PTPN13: variants seen among roughly 807,000 people sequenced by gnomAD.
PTPN13 encodes tyrosine-protein phosphatase non-receptor type 13.
Under a neutral mutation model 284.0 loss-of-function variants are expected in PTPN13, and 191 were observed. The ratio of observed to expected loss-of-function variants is 0.67; its 90% CI spans 0.60 to 0.76. The LOEUF (loss-of-function observed/expected upper bound fraction) is 0.76, where lower values mean the gene tolerates loss of function less well. PTPN13 is among the 30% of genes least tolerant of loss of function. The pLI is 0.00. For missense variants in PTPN13, 2,797 were observed against 2,939.9 expected, an observed-to-expected ratio of 0.95 and a Z score of 1.12; for synonymous variants, 986 against 1,022.3, an observed-to-expected ratio of 0.96 and a Z score of 0.68.
At chr4:86,715,935 T>C (rs1275236569) in intron 7 of PTPN13, among the ~76,000 whole-genome samples, 1 of 152,224 alleles carries the variant, frequency 6.6e-6, no homozygotes, top group Non-Finnish European at 1.5e-5. Context: ...TCGGCCCTCT[T>C]GTACAGTGCA....
chr4:86,766,577 T>A, intron 27 of PTPN13, 60 bp downstream of exon 27: 1 of 1,210,874 alleles, frequency 8.3e-7, no homozygotes, highest in Non-Finnish European at 1.2e-6. Flanking sequence ...AATGTGTGAA[T>A]AACATCAGTT....
At chr4:86,770,067 C>T (rs1327433055) in intron 29 of PTPN13, 34 bp from the exon 30 acceptor site, 2 of 1,611,012 alleles carry the variant, frequency 1.2e-6, no homozygotes, top group African/African-American at 2.7e-5. Flanking sequence ...GCTGGTTTAA[C>T]TGTACCTTCA....
chr4:86,693,805 G>A (rs1208903091), intron 6 of PTPN13, 131 bp downstream of exon 6: 2 of 520,402 alleles, frequency 3.8e-6, no homozygotes, highest in Admixed American at 3.6e-5. Context: ...ACAAACTGGA[G>A]GTAGGGAATG....
chr4:86,809,479 G>A (rs76149294), intron 45 of PTPN13, among the ~76,000 whole-genome samples: 20,148 of 152,120 alleles, frequency 0.13, 1,709 homozygotes, highest in East Asian at 0.27. Context: ...GAGTGGATCA[G>A]TTGAGGTCAG....
chr4:86,706,805 G>A (rs1731815944), intron 7 of PTPN13, among the ~76,000 whole-genome samples: 1 of 152,142 alleles, frequency 6.6e-6, no homozygotes, highest in African/African-American at 2.4e-5. Flanking sequence ...GGAAGGGGCA[G>A]GAAGAAACAT....
intron 2 of PTPN13, among the ~76,000 whole-genome samples, chr4:86,654,986 C>G (rs143270811): frequency 0.011 from 1,733 of 152,292 alleles, 10 homozygotes; most frequent in Non-Finnish European, 0.013. Flanking sequence ...ATCCCTTCAA[C>G]ATTATGTAAT....
At chr4:86,676,668 A>C (rs1227668073) in intron 3 of PTPN13, among the ~76,000 whole-genome samples, 1 of 152,234 alleles carries the variant, frequency 6.6e-6, no homozygotes, top group African/African-American at 2.4e-5. Flanking sequence ...CATACAATGA[A>C]TATCATACAG....
At chr4:86,810,162 A>G (rs1344359845) in intron 46 of PTPN13, among the ~76,000 whole-genome samples, 178 bp downstream of exon 46, 1 of 152,210 alleles carries the variant, frequency 6.6e-6, no homozygotes. Flanking sequence ...ATTCAAAACT[A>G]CATAGACCGT....
chr4:86,700,912 G>C (rs1451903210), intron 6 of PTPN13, among the ~76,000 whole-genome samples: 1 of 152,076 alleles, frequency 6.6e-6, no homozygotes, highest in Admixed American at 6.5e-5. Flanking sequence ...ATCATTTCTT[G>C]GATAGTGAAT....
intron 7 of PTPN13, among the ~76,000 whole-genome samples, chr4:86,707,680 A>G (rs1731920777): frequency 6.6e-6 from 1 of 152,112 alleles, no homozygotes; most frequent in South Asian, 2.1e-4. Context: ...TAAAACTAGT[A>G]TTTCTTTACT....
chr4:86,683,547 A>T (rs1368637694), intron 3 of PTPN13, among the ~76,000 whole-genome samples: 1 of 152,186 alleles, frequency 6.6e-6, no homozygotes, highest in Non-Finnish European at 1.5e-5. Flanking sequence ...TGCTTTACTC[A>T]GTCTACTGAT....
intron 40 of PTPN13, among the ~76,000 whole-genome samples, chr4:86,793,677 A>C (rs1578689324): frequency 6.6e-6 from 1 of 152,336 alleles, no homozygotes; most frequent in East Asian, 1.9e-4. Flanking sequence ...GTGCAATCAA[A>C]TTAGAACTCA....
intron 3 of PTPN13, among the ~76,000 whole-genome samples, chr4:86,683,714 T>G (rs1157966083): frequency 6.6e-6 from 1 of 152,192 alleles, no homozygotes; most frequent in Non-Finnish European, 1.5e-5. Context: ...TTTTATAACC[T>G]AGTTTTAAGA....
At chr4:86,659,472 T>A (rs1726226229) in intron 2 of PTPN13, among the ~76,000 whole-genome samples, 1 of 152,200 alleles carries the variant, frequency 6.6e-6, no homozygotes, top group Admixed American at 6.5e-5. Context: ...GAAATTAAAT[T>A]TTAAATAAAT....
At chr4:86,757,762 C>CAAAAAAAAAAAAAAAAAAAAAAAAAAAA (rs542129918) in intron 20 of PTPN13, among the ~76,000 whole-genome samples, 2 of 112,512 alleles carry the variant, frequency 1.8e-5, no homozygotes, top group African/African-American at 7.0e-5. Context: ...GACTCTGTCT[C>CAAAAAAAAAAAAAAAAAAAAAAAAAAAA]AAAAAAAAAA....
chr4:86,661,138 C>A, intron 2 of PTPN13: 2 of 449,328 alleles, frequency 4.5e-6, no homozygotes, highest in Non-Finnish European at 8.9e-6. Context: ...CCTCATGTTC[C>A]CTCCTAGTCA....
At chr4:86,798,737 A>G (rs1467666682) in intron 41 of PTPN13, among the ~76,000 whole-genome samples, 4 of 152,220 alleles carry the variant, frequency 2.6e-5, no homozygotes, top group Non-Finnish European at 4.4e-5. Context: ...AGATACATTC[A>G]TATTTTGCAG....
At chr4:86,751,856 A>G (rs909969111) in intron 19 of PTPN13, among the ~76,000 whole-genome samples, 1 of 152,068 alleles carries the variant, frequency 6.6e-6, no homozygotes. Flanking sequence ...AGAAGTTTTT[A>G]AGTTGATTTC....
intron 45 of PTPN13, among the ~76,000 whole-genome samples, chr4:86,809,504 C>A (rs896965798): frequency 3.3e-5 from 5 of 152,094 alleles, no homozygotes; most frequent in African/African-American, 1.2e-4. Context: ...TCGAGAGCAG[C>A]CTGACCAACA....
Sources: gnomAD v4.1 joint callset for allele counts (sites outside exome capture counted in the v4.1 genomes callset) on GRCh38, gnomAD v4.1.1 for gene constraint, MANE v1.5 for transcripts, NCBI Gene and HGNC (gene_info 2026-07-23, HGNC 2026-07-21) for gene names.